The following ZC3H18 variants were observed in gnomAD, a reference collection of about 807,000 sequenced individuals.
ZC3H18 encodes the protein zinc finger CCCH domain-containing protein 18.
Under a neutral mutation model 106.1 loss-of-function variants are expected in ZC3H18, and 8 were observed. The ratio of observed to expected loss-of-function variants is 0.08; its 90% CI spans 0.04 to 0.14. The LOEUF (loss-of-function observed/expected upper bound fraction) is 0.14, where lower values mean the gene tolerates loss of function less well. Ranked by LOEUF, ZC3H18 falls within the 10% of genes least tolerant of loss-of-function variation. ZC3H18 has a pLI of 1.00. For synonymous variants in ZC3H18, 635 were observed against 522.1 expected, an observed-to-expected ratio of 1.22 and a Z score of -2.95; for missense variants, 1,318 against 1,278.4, an observed-to-expected ratio of 1.03 and a Z score of -0.47.
chr16:88,582,468 C>T (rs528122382), intron 2 of ZC3H18, among the ~76,000 whole-genome samples: 1 of 152,174 alleles, frequency 6.6e-6, no homozygotes, highest in South Asian at 2.1e-4. Flanking sequence ...GTGATCCACC[C>T]GCCTTTTATG....
At chr16:88,581,843 G>A (rs1915150883) in intron 2 of ZC3H18, among the ~76,000 whole-genome samples, 1 of 152,180 alleles carries the variant, frequency 6.6e-6, no homozygotes, top group African/African-American at 2.4e-5. Context: ...GCTCCTTCCA[G>A]CCTGGCGAGG....
At chr16:88,613,180 A>G (rs1287836754) in intron 8 of ZC3H18, among the ~76,000 whole-genome samples, 3 of 152,176 alleles carry the variant, frequency 2.0e-5, no homozygotes, top group African/African-American at 2.4e-5. Context: ...GAGCGTTTTT[A>G]ACATTTGTCC....
intron 8 of ZC3H18, among the ~76,000 whole-genome samples, chr16:88,613,944 G>C (rs974797695): frequency 6.6e-6 from 1 of 152,140 alleles, no homozygotes; most frequent in Admixed American, 6.5e-5. Context: ...AAAAGGGGGG[G>C]TGTCGATGAG....
chr16:88,631,533 C>G lies in ZC3H18; in HGVS notation c.*234C>G. On this transcript the variant is annotated 3_prime_UTR_variant, in exon 18 of 18. Coordinates refer to ENST00000301011, the MANE Select transcript of ZC3H18 (RefSeq NM_144604.4). ...AGACAGACACAGACAGCGCTAGTGA[C>G]CAGCACGGTTCTCATGTAAATTACA... is the stretch of plus-strand genomic sequence containing the variant. The G allele has an allele frequency of 1.6e-6, 1 of 639,100 alleles. No individual in the cohort carries two copies. The highest frequency in any genetic ancestry group is 2.9e-6 in the Non-Finnish European group (1 of 350,226). 39.6% of individuals were successfully genotyped at this position (639,100 alleles called of 1,614,324 possible).
In ZC3H18 at chr16:88,600,499, G is replaced by A. The variant is rs145680827; in HGVS notation, c.1088+551G>A. Among the ~76,000 whole-genome samples the A allele has an allele frequency of 2.5e-3, 376 of 152,270 alleles. 1 individual carries two copies. Among genetic ancestry groups the A allele is most frequent in the African/African-American group, 8.7e-3 (360 of 41,562 alleles). Reference sequence around the variant, plus strand: ...GCAATCTTGGCTCACTGCAACCTCCGCCTCCCTGGGTTGAAGTGATTCTCC... The same window carrying A: ...GCAATCTTGGCTCACTGCAACCTCCACCTCCCTGGGTTGAAGTGATTCTCC... On this transcript the variant is annotated intron_variant, in intron 6 of 17. Transcript: ENST00000301011.
intron 16 of ZC3H18, among the ~76,000 whole-genome samples, chr16:88,629,296 G>A (rs1212097349): frequency 1.3e-5 from 2 of 152,202 alleles, no homozygotes; most frequent in Non-Finnish European, 2.9e-5. Context: ...CTAACATGGT[G>A]AAACCCTGTT....
At chr16:88,625,085 A>C in intron 12 of ZC3H18, 117 bp from the exon 13 acceptor site, 4 of 1,227,318 alleles carry the variant, frequency 3.3e-6, no homozygotes, top group Non-Finnish European at 4.6e-6. Context: ...GCCCTGTTCC[A>C]AGGTGGTAGC....
intron 2 of ZC3H18, among the ~76,000 whole-genome samples, chr16:88,583,698 C>G (rs536010994): frequency 6.6e-6 from 1 of 152,172 alleles, no homozygotes; most frequent in Admixed American, 6.5e-5. Context: ...CGTGGAGACC[C>G]GGCTTCAGAT....
Position 88,583,033 on chromosome 16 carries a change from G to T in ZC3H18, c.604-3567G>T, listed in dbSNP as rs565412567. 1.1e-4 allele frequency among the ~76,000 whole-genome samples: 16 copies of T among 152,372 alleles called. No individual in the cohort carries two copies. In the South Asian group the frequency reaches 3.3e-3, roughly 32 times the overall value. ...TTCACCCACATCCTGCAGACAAGAT[G>T]CCCAGGATTCAGGAGGTTGTGGTTG... On this transcript the variant is annotated intron_variant, in intron 2 of 17. Coordinates refer to ENST00000301011, the MANE Select transcript of ZC3H18 (RefSeq NM_144604.4).
At chr16:88,619,260 C>T (rs960482339) in intron 8 of ZC3H18, among the ~76,000 whole-genome samples, 2 of 152,000 alleles carry the variant, frequency 1.3e-5, no homozygotes, top group African/African-American at 4.8e-5. Context: ...GGCAACAGAG[C>T]GAGGCTCTGT....
At chr16:88,611,195 G>C in intron 7 of ZC3H18, 73 bp from the exon 8 acceptor site, 1 of 705,746 alleles carries the variant, frequency 1.4e-6, no homozygotes, top group Non-Finnish European at 2.6e-6. Context: ...CGTGGTGTTG[G>C]AGCCAAGGCT....
At position 88,624,627 on chromosome 16, in the gene ZC3H18, C is replaced by T. The variant is rs770411740; in HGVS notation, c.1924C>T (p.Pro642Ser). 2 of 1,613,960 alleles carry T rather than the reference C, an allele frequency of 1.2e-6. No individual in the cohort carries two copies. Among genetic ancestry groups the T allele is most frequent in the Non-Finnish European group, 1.7e-6 (2 of 1,179,992 alleles). Residue 642 changes from proline to serine, a missense_variant, in exon 12 of 18, where the codon CCG becomes TCG. Pro to Ser is a moderately conservative substitution (Grantham distance 74). Around this residue, in one of 6 missense-constraint regions of ZC3H18, gnomAD observed 848 missense variants for 821.7 expected, o/e 1.03. Coordinates refer to ENST00000301011, the MANE Select transcript of ZC3H18 (RefSeq NM_144604.4). ...AGAGAAGTCAGTGAAGAAGCCGGCC[C>T]CGCCTCCAGCCCCACCACAGGCCAC... Reference protein sequence around the residue: ...AGEKSVKKPAPPPAPPQATKT... With the variant: ...AGEKSVKKPASPPAPPQATKT...
At chr16:88,607,345 C>T (rs1905060685) in intron 6 of ZC3H18, among the ~76,000 whole-genome samples, 1 of 152,190 alleles carries the variant, frequency 6.6e-6, no homozygotes, top group Admixed American at 6.5e-5. Context: ...CCAGGGTTTT[C>T]TTGGCTGTTC....
At chr16:88,597,441 T>C (rs955916416) in intron 3 of ZC3H18, among the ~76,000 whole-genome samples, 6 of 152,246 alleles carry the variant, frequency 3.9e-5, no homozygotes, top group Non-Finnish European at 8.8e-5. Flanking sequence ...AGATACTATA[T>C]GCCATATTTG....
chr16:88,576,712 C>G (rs1026153582), intron 1 of ZC3H18, among the ~76,000 whole-genome samples: 1 of 152,208 alleles, frequency 6.6e-6, no homozygotes, highest in Non-Finnish European at 1.5e-5. Context: ...TTCCTCGTTC[C>G]ATGATACAGT....
intron 8 of ZC3H18, among the ~76,000 whole-genome samples, chr16:88,614,115 T>C (rs1354940674): frequency 6.6e-6 from 1 of 152,192 alleles, no homozygotes; most frequent in African/African-American, 2.4e-5. Flanking sequence ...TACTTCCAAC[T>C]CAGGGATGTT....
Position 88,618,305 on chromosome 16 carries a change from C to T in ZC3H18, c.1476-3892C>T, listed in dbSNP as rs536439446. Reference sequence around the variant, plus strand: ...GCATGTGGCCCGTAGCTAAATGCTCCACAGGCACTCACAGAACAAGCCAGG... The same window carrying T: ...GCATGTGGCCCGTAGCTAAATGCTCTACAGGCACTCACAGAACAAGCCAGG... On this transcript the variant is annotated intron_variant, in intron 8 of 17. Transcript: ENST00000301011. Among the ~76,000 whole-genome samples, 5 of 152,250 alleles carry T rather than the reference C, an allele frequency of 3.3e-5. No individual in the cohort carries two copies. In the South Asian group the frequency reaches 1.0e-3, roughly 32 times the overall value.
intron 2 of ZC3H18, among the ~76,000 whole-genome samples, chr16:88,580,156 C>CTGTGTGTGTG (rs56406234): frequency 3.7e-4 from 47 of 126,940 alleles, no homozygotes; most frequent in African/African-American, 9.8e-4. Context: ...ACAGGTTCAT[C>CTGTGTGTGTG]TGTGTGTGTG....
intron 6 of ZC3H18, among the ~76,000 whole-genome samples, chr16:88,600,852 G>A (rs1252683495): frequency 2.6e-5 from 4 of 152,252 alleles, no homozygotes; most frequent in African/African-American, 9.6e-5. Flanking sequence ...GAGGTTCAGG[G>A]CAGGGAACTG....
Sources: allele counts gnomAD v4.1 joint callset (sites outside exome capture counted in the v4.1 genomes callset), GRCh38; gene constraint gnomAD v4.1.1; regional missense constraint gnomAD v4.1.1; transcripts MANE v1.5; gene names NCBI Gene and HGNC (gene_info 2026-07-23, HGNC 2026-07-21).